CHRM3: variants seen among roughly 807,000 people sequenced by gnomAD.
The protein encoded by CHRM3 is cholinergic receptor muscarinic 3.
Under a neutral mutation model 41.8 loss-of-function variants are expected in CHRM3, and 11 were observed. The observed-to-expected ratio is 0.26, with a 90% CI of 0.17 to 0.44. CHRM3 has a LOEUF of 0.44. CHRM3 is among the 20% of genes least tolerant of loss of function. CHRM3 has a pLI of 1.00. For synonymous variants in CHRM3, 297 were observed against 301.4 expected (o/e 0.99, Z 0.15); for missense variants, 571 against 745.4 (o/e 0.77, Z 2.72).
chr1:239,739,627 A>G (rs1664671251), intron 5 of CHRM3, among the ~76,000 whole-genome samples: 1 of 152,148 alleles, frequency 6.6e-6, no homozygotes, highest in African/African-American at 2.4e-5. Context: ...AGAGTTCAGC[A>G]TCGTATTATA....
chr1:239,875,655 T>C (rs2149345344), intron 6 of CHRM3, among the ~76,000 whole-genome samples: 1 of 152,304 alleles, frequency 6.6e-6, no homozygotes, highest in South Asian at 2.1e-4. Context: ...GATTTACGTA[T>C]CTCAAGACAG....
At chr1:239,424,008 T>C (rs1662161156) in intron 1 of CHRM3, among the ~76,000 whole-genome samples, 2 of 147,928 alleles carry the variant, frequency 1.4e-5, no homozygotes, top group Non-Finnish European at 3.0e-5. Context: ...TGAGCCGAGA[T>C]TGCGCCACTG....
chr1:239,811,603 G>A (rs895755862), intron 5 of CHRM3, among the ~76,000 whole-genome samples: 1 of 152,156 alleles, frequency 6.6e-6, no homozygotes, highest in Non-Finnish European at 1.5e-5. Context: ...AATAGAATGA[G>A]GTAAAGCATT....
chr1:239,584,027 C>A (rs1056545120), intron 3 of CHRM3, among the ~76,000 whole-genome samples: 1 of 152,026 alleles, frequency 6.6e-6, no homozygotes, highest in Non-Finnish European at 1.5e-5. Flanking sequence ...TCACCTCCTC[C>A]CAGACTTTGT....
At chr1:239,592,614 T>C (rs1664308203) in intron 3 of CHRM3, among the ~76,000 whole-genome samples, 2 of 152,200 alleles carry the variant, frequency 1.3e-5, no homozygotes, top group Admixed American at 1.3e-4. Context: ...ATTCCTGTTG[T>C]AGCATATATC....
chr1:239,674,417 G>A (rs1657757615), intron 4 of CHRM3, among the ~76,000 whole-genome samples: 2 of 151,960 alleles, frequency 1.3e-5, no homozygotes, highest in African/African-American at 2.4e-5. Context: ...GGCTTAATTA[G>A]CAAAATCACT....
At position 239,911,254 on chromosome 1, in the gene CHRM3, GA is replaced by G. The variant is rs11295112; in HGVS notation, c.*2041del. 12,749 of 154,528 alleles carry G rather than the reference GA, an allele frequency of 0.083. 1,155 individuals carry two copies. The highest frequency in any genetic ancestry group is 0.24 in the African/African-American group (9,483 of 39,814). The allele number at this position is 154,528 out of a possible 1,614,324, so 9.6% of individuals were successfully genotyped here. A position where few individuals can be genotyped will look rare whatever the true frequency, so the allele number is the denominator to read the frequency against. On this transcript the variant is annotated 3_prime_UTR_variant, in exon 7 of 7. Coordinates refer to ENST00000676153, the MANE Select transcript of CHRM3 (RefSeq NM_001375978.1). ...TGTGTCTGAAATCATTTTACACAGG[GA>G]AAAAAAAAAACAATCAGCATAATTG...
intron 5 of CHRM3, among the ~76,000 whole-genome samples, chr1:239,804,699 C>T (rs1176211901): frequency 6.6e-6 from 1 of 152,186 alleles, no homozygotes. Flanking sequence ...TCCTGCAACT[C>T]GGTTCGAGCT....
intron 2 of CHRM3, among the ~76,000 whole-genome samples, chr1:239,519,857 C>G (rs575776659): frequency 6.8e-6 from 1 of 146,186 alleles, no homozygotes; most frequent in African/African-American, 2.5e-5. Context: ...ACGCCATTCT[C>G]CTGCCTCAGC....
At chr1:239,845,340 T>TTTTTG (rs554430746) in intron 6 of CHRM3, among the ~76,000 whole-genome samples, 91 of 152,354 alleles carry the variant, frequency 6.0e-4, no homozygotes, top group African/African-American at 1.9e-3. Context: ...TAGGTTTTTA[T>TTTTTG]TTTTGTTTTG....
intron 4 of CHRM3, among the ~76,000 whole-genome samples, chr1:239,654,880 G>A (rs899575090): frequency 6.6e-6 from 1 of 152,210 alleles, no homozygotes; most frequent in African/African-American, 2.4e-5. Flanking sequence ...TACTGGAAAT[G>A]TAAAGGAAAG....
chr1:239,635,408 C>T (rs1477068003), intron 4 of CHRM3, among the ~76,000 whole-genome samples: 2 of 152,190 alleles, frequency 1.3e-5, no homozygotes, highest in Non-Finnish European at 1.5e-5. Context: ...TTCCTACACT[C>T]CAAGCCTCCC....
intron 1 of CHRM3, among the ~76,000 whole-genome samples, chr1:239,394,582 A>G (rs1339133842): frequency 1.3e-5 from 2 of 152,160 alleles, no homozygotes; most frequent in Non-Finnish European, 1.5e-5. Flanking sequence ...TGCAGATGTC[A>G]TTAATGAACA....
At chr1:239,517,282 A>G (rs1572570593) in intron 2 of CHRM3, among the ~76,000 whole-genome samples, 1 of 152,176 alleles carries the variant, frequency 6.6e-6, no homozygotes, top group Non-Finnish European at 1.5e-5. Context: ...TAGTATCCCA[A>G]TCAAACCTTG....
chr1:239,402,708 T>C (rs1349260030), intron 1 of CHRM3, among the ~76,000 whole-genome samples: 1 of 152,182 alleles, frequency 6.6e-6, no homozygotes, highest in Non-Finnish European at 1.5e-5. Flanking sequence ...CGTCCCTCAG[T>C]ATCCAACGGG....
chr1:239,387,581 T>C lies in CHRM3; in HGVS notation c.-521+354T>C, dbSNP rs1658634796. Among the ~76,000 whole-genome samples, 1 of 151,990 alleles carries C rather than the reference T, an allele frequency of 6.6e-6. No individual in the cohort carries two copies. Among genetic ancestry groups the C allele is most frequent in the Admixed American group, 6.6e-5 (1 of 15,264 alleles). The stretch of plus-strand genomic sequence containing the variant: ...CCACCCCGCTCTCCCTCGCTTCGAT[T>C]CTCTCTTCGCCACTGCCGGATCTGA... On this transcript the variant is annotated intron_variant, in intron 1 of 6. Transcript: ENST00000676153. This position sits in a 1 kb window ranked among gnomAD's most constrained non-coding sequence, Gnocchi z 5.1.
chr1:239,822,224 A>C (rs1672112209), intron 5 of CHRM3, among the ~76,000 whole-genome samples: 1 of 152,230 alleles, frequency 6.6e-6, no homozygotes, highest in South Asian at 2.1e-4. Flanking sequence ...CAACCAACAC[A>C]ATTAAATAGT....
chr1:239,601,339 AT>A (rs1558359866), intron 3 of CHRM3, among the ~76,000 whole-genome samples: 1 of 152,134 alleles, frequency 6.6e-6, no homozygotes, highest in African/African-American at 2.4e-5. Flanking sequence ...CAAGCAAATA[AT>A]TTTTTTGACC....
At chr1:239,813,190 A>C (rs1364073318) in intron 5 of CHRM3, among the ~76,000 whole-genome samples, 1 of 152,156 alleles carries the variant, frequency 6.6e-6, no homozygotes, top group African/African-American at 2.4e-5. Context: ...AGGCAGGAGA[A>C]TCGCTTGAAC....
Sources: gnomAD v4.1 joint callset for allele counts (sites outside exome capture counted in the v4.1 genomes callset) on GRCh38, gnomAD v4.1.1 for gene constraint, Gnocchi (gnomAD v3.1) non-coding constraint, MANE v1.5 for transcripts, NCBI Gene and HGNC (gene_info 2026-07-23, HGNC 2026-07-21) for gene names.